NKAIN3: variants seen among roughly 807,000 people sequenced by gnomAD.
NKAIN3 encodes the protein sodium/potassium-transporting ATPase subunit beta-1-interacting protein 3.
NKAIN3 carries 25 observed loss-of-function variants against 30.2 expected under a neutral mutation model. That is an observed-to-expected ratio of 0.83 (90% confidence interval 0.60 to 1.16). NKAIN3 has a LOEUF of 1.16. Among genes scored for constraint, NKAIN3 ranks in the 50% most tolerant of loss-of-function variants. The probability of loss-of-function intolerance (pLI) is 0.00; values close to 1 mark genes in which losing one functional copy is unlikely to be tolerated. For synonymous variants in NKAIN3, 91 were observed against 89.6 expected (o/e 1.02, Z -0.09); for missense variants, 225 against 254.1 (o/e 0.89, Z 0.78).
chr8:62,815,974 T>C (rs4504630), intron 4 of NKAIN3, among the ~76,000 whole-genome samples: 14,066 of 152,254 alleles, frequency 0.092, 677 homozygotes, highest in African/African-American at 0.1. Flanking sequence ...TGTACTCCCT[T>C]GTTTCTCACT....
At chr8:62,500,920 G>A (rs1403140252) in intron 1 of NKAIN3, among the ~76,000 whole-genome samples, 1 of 152,138 alleles carries the variant, frequency 6.6e-6, no homozygotes, top group Non-Finnish European at 1.5e-5. Context: ...CAGGGATGAT[G>A]CACGCCATCA....
chr8:62,983,236 T>C lies in NKAIN3; in HGVS notation c.*17829T>C, dbSNP rs1420555993. Reference sequence around the variant, plus strand: ...AGTCACTGTGCAGGCACTAGAAATATAAAGCAAAAAAAACAGATTCTACCC... The same window carrying C: ...AGTCACTGTGCAGGCACTAGAAATACAAAGCAAAAAAAACAGATTCTACCC... On this transcript the variant is annotated 3_prime_UTR_variant, in exon 7 of 7. Transcript: ENST00000623646. The C allele has an allele frequency of 6.6e-6, 1 of 151,834 alleles. No homozygotes were observed. The highest frequency in any genetic ancestry group is 2.4e-5 in the African/African-American group (1 of 41,332). The allele number at this position is 151,834 out of a possible 1,614,324, so 9.4% of individuals were successfully genotyped here.
intron 2 of NKAIN3, among the ~76,000 whole-genome samples, chr8:62,579,969 G>A (rs1810240787): frequency 6.6e-6 from 1 of 152,162 alleles, no homozygotes; most frequent in Non-Finnish European, 1.5e-5. Flanking sequence ...GATAGAGTAG[G>A]AGGTCTGCTT....
intron 1 of NKAIN3, among the ~76,000 whole-genome samples, chr8:62,424,980 A>G (rs578058819): frequency 1.3e-5 from 2 of 152,028 alleles, no homozygotes; most frequent in East Asian, 3.9e-4. Context: ...ATCCTGCCAT[A>G]TCTGACAACA....
chr8:62,597,944 G>A (rs1447185049), intron 3 of NKAIN3, among the ~76,000 whole-genome samples: 1 of 152,014 alleles, frequency 6.6e-6, no homozygotes, highest in Non-Finnish European at 1.5e-5. Context: ...TTATGTTAGA[G>A]AATTCAGGAG....
intron 4 of NKAIN3, among the ~76,000 whole-genome samples, chr8:62,903,869 A>G (rs540468185): frequency 2.6e-5 from 4 of 152,254 alleles, no homozygotes; most frequent in African/African-American, 9.6e-5. Flanking sequence ...TAAAACCACA[A>G]GATCTCACGG....
At position 62,506,476 on chromosome 8, in the gene NKAIN3, C is replaced by CTTTTTTTTTTT. The variant is rs71255341; in HGVS notation, c.55-73057_55-73047dup. 1.4e-3 allele frequency among the ~76,000 whole-genome samples: 139 copies of CTTTTTTTTTTT among 98,448 alleles called. 10 individuals are homozygous for CTTTTTTTTTTT. Among genetic ancestry groups the CTTTTTTTTTTT allele is most frequent in the African/African-American group, 4.5e-3 (109 of 24,272 alleles). The allele number at this position is 98,448 out of a possible 152,430, so 64.6% of individuals were successfully genotyped here. ...TCTGCTTTTTCTTTTTTCTTTCTTT[C>CTTTTTTTTTTT]TTTTTTTTTTTTTTTTGAGACAGAG... On this transcript the variant is annotated intron_variant, in intron 1 of 6. Coordinates refer to ENST00000623646, the MANE Select transcript of NKAIN3 (RefSeq NM_001304533.3).
chr8:62,347,900 A>T (rs1457149263), intron 1 of NKAIN3, among the ~76,000 whole-genome samples: 1 of 152,166 alleles, frequency 6.6e-6, no homozygotes, highest in Non-Finnish European at 1.5e-5. Context: ...ATTCTTCATT[A>T]ATCAGATAGG....
At chr8:62,822,589 T>C (rs988888049) in intron 4 of NKAIN3, among the ~76,000 whole-genome samples, 1 of 152,198 alleles carries the variant, frequency 6.6e-6, no homozygotes, top group Admixed American at 6.6e-5. Flanking sequence ...AATTTTCAAC[T>C]CTTTCTCATT....
At chr8:62,646,138 G>GAAAAA (rs75073790) in intron 3 of NKAIN3, among the ~76,000 whole-genome samples, 1 of 116,188 alleles carries the variant, frequency 8.6e-6, no homozygotes, top group African/African-American at 3.0e-5. Flanking sequence ...CCTCATTCTG[G>GAAAAA]AAAAAAAAAA....
chr8:62,461,968 T>G (rs906336602), intron 1 of NKAIN3, among the ~76,000 whole-genome samples: 1 of 152,158 alleles, frequency 6.6e-6, no homozygotes, highest in South Asian at 2.1e-4. Flanking sequence ...AATCTTCACA[T>G]CCAAGAAGTT....
At chr8:62,939,499 A>G (rs1445205019) in intron 5 of NKAIN3, among the ~76,000 whole-genome samples, 1 of 152,206 alleles carries the variant, frequency 6.6e-6, no homozygotes, top group Non-Finnish European at 1.5e-5. Context: ...AAGAGCTGTG[A>G]GGCAAAAGCA....
At chr8:62,591,204 G>A (rs1420142792) in intron 3 of NKAIN3, among the ~76,000 whole-genome samples, 1 of 151,678 alleles carries the variant, frequency 6.6e-6, no homozygotes, top group Non-Finnish European at 1.5e-5. Context: ...ACTAATTTGG[G>A]ATAAATTAGA....
At chr8:62,434,602 C>A (rs1805113416) in intron 1 of NKAIN3, among the ~76,000 whole-genome samples, 1 of 152,132 alleles carries the variant, frequency 6.6e-6, no homozygotes, top group Non-Finnish European at 1.5e-5. Context: ...CTTCCTCTGA[C>A]ACAGGGAATT....
At chr8:62,536,730 G>A (rs1705192912) in intron 1 of NKAIN3, among the ~76,000 whole-genome samples, 1 of 152,158 alleles carries the variant, frequency 6.6e-6, no homozygotes, top group South Asian at 2.1e-4. Flanking sequence ...AAGTGAAGCA[G>A]TTAGAGTTCA....
At chr8:62,870,381 A>G (rs1191946072) in intron 4 of NKAIN3, among the ~76,000 whole-genome samples, 1 of 136,538 alleles carries the variant, frequency 7.3e-6, no homozygotes, top group East Asian at 2.0e-4. Flanking sequence ...TATATACACT[A>G]TATATGTACA....
At chr8:62,372,017 G>A (rs1294209816) in intron 1 of NKAIN3, among the ~76,000 whole-genome samples, 1 of 151,602 alleles carries the variant, frequency 6.6e-6, no homozygotes, top group Non-Finnish European at 1.5e-5. Context: ...TATACTTGAT[G>A]ATAGAAACCT....
intron 5 of NKAIN3, chr8:62,990,307 C>G (rs1824295275): frequency 1.4e-6 from 2 of 1,416,048 alleles, no homozygotes; most frequent in African/African-American, 2.9e-5. Flanking sequence ...TGAGGTGATG[C>G]ATTATTTTAG....
At chr8:62,661,034 C>T (rs927283844) in intron 3 of NKAIN3, among the ~76,000 whole-genome samples, 2 of 152,206 alleles carry the variant, frequency 1.3e-5, no homozygotes, top group African/African-American at 4.8e-5. Context: ...CTTTCTAGTG[C>T]TTTTCCAGAT....
Sources: allele counts gnomAD v4.1 joint callset (sites outside exome capture counted in the v4.1 genomes callset), GRCh38; gene constraint gnomAD v4.1.1; transcripts MANE v1.5; gene names NCBI Gene and HGNC (gene_info 2026-07-23, HGNC 2026-07-21).